The following CPVL variants were observed in gnomAD, a reference collection of about 807,000 sequenced individuals.
CPVL encodes carboxypeptidase vitellogenic like.
In CPVL, 51 loss-of-function variants were observed where a neutral mutation model predicts 63.7. The observed-to-expected ratio is 0.80, with a 90% CI of 0.64 to 1.01. CPVL has a LOEUF of 1.01. Ranked by LOEUF, CPVL falls within the 50% of genes least tolerant of loss-of-function variation. CPVL has a pLI of 0.00. For synonymous variants in CPVL, 195 were observed against 206.0 expected (o/e 0.95, Z 0.46); for missense variants, 530 against 573.1 (o/e 0.92, Z 0.77).
intron 7 of CPVL, among the ~76,000 whole-genome samples, chr7:29,083,160 G>GAGA (rs58041507): frequency 0.11 from 16,091 of 152,232 alleles, 1,061 homozygotes; most frequent in Middle Eastern, 0.15. Flanking sequence ...AGAAGAAAGA[G>GAGA]AGAAGTTGCT....
intron 3 of CPVL, among the ~76,000 whole-genome samples, chr7:29,106,867 A>T (rs1787770222): frequency 6.6e-6 from 1 of 152,212 alleles, no homozygotes; most frequent in Non-Finnish European, 1.5e-5. Context: ...GCTTAAGACA[A>T]CAATAATAAT....
intron 12 of CPVL, among the ~76,000 whole-genome samples, chr7:28,998,118 C>T (rs1784273402): frequency 6.6e-6 from 1 of 152,194 alleles, no homozygotes; most frequent in Non-Finnish European, 1.5e-5. Flanking sequence ...TTTTGCCGCC[C>T]CGCAATCCCA....
chr7:29,120,917 T>C lies in CPVL; in HGVS notation c.145A>G (p.Ile49Val), dbSNP rs555460021. 1.2e-6 allele frequency: 2 copies of C among 1,613,440 alleles called. No homozygotes were observed. The highest frequency in any genetic ancestry group is 1.7e-6 in the Non-Finnish European group (2 of 1,179,802). ...CCTTTTTGGATCTTCCCAGCTTCAA[T>C]GTAAGGGGTGAGAAATAATGGCTGT... The part of the protein sequence containing the change: ...SGQPLFLTPY[I>V]EAGKIQKGRE... The change falls in exon 2 of 13, where the codon ATT becomes GTT. Residue 49 changes from isoleucine to valine, a missense_variant. By Grantham distance (29) the Ile-to-Val change is conservative. Transcript: ENST00000265394.
chr7:29,107,174 T>A (rs938515061), intron 3 of CPVL, among the ~76,000 whole-genome samples: 3 of 152,344 alleles, frequency 2.0e-5, no homozygotes, highest in South Asian at 4.1e-4. Flanking sequence ...TTGCCCTTTA[T>A]AAGGTAGCCG....
chr7:29,132,032 G>A (rs919021090), intron 1 of CPVL, among the ~76,000 whole-genome samples: 4 of 152,188 alleles, frequency 2.6e-5, no homozygotes, highest in African/African-American at 4.8e-5. Context: ...AGAGATAGGC[G>A]AGAGCTTTTA....
intron 1 of CPVL, among the ~76,000 whole-genome samples, chr7:29,136,088 T>A (rs1348917206): frequency 6.6e-6 from 1 of 152,170 alleles, no homozygotes; most frequent in Non-Finnish European, 1.5e-5. Flanking sequence ...AGAATAACAG[T>A]TATATTTAAA....
intron 3 of CPVL, among the ~76,000 whole-genome samples, chr7:29,107,985 C>T (rs977078184): frequency 6.6e-6 from 1 of 152,154 alleles, no homozygotes; most frequent in African/African-American, 2.4e-5. Flanking sequence ...AGCATTAGAG[C>T]GGTTCATTTT....
intron 2 of CPVL, among the ~76,000 whole-genome samples, chr7:29,117,818 T>C (rs953409022): frequency 4.6e-5 from 7 of 152,210 alleles, no homozygotes; most frequent in Non-Finnish European, 1.0e-4. Context: ...TACCCAAATT[T>C]AAATTCCATA....
At chr7:29,066,170 T>A in intron 9 of CPVL, 49 bp from the exon 10 acceptor site, 1 of 925,276 alleles carries the variant, frequency 1.1e-6, no homozygotes, top group Non-Finnish European at 1.7e-6. Flanking sequence ...AACATCAGTG[T>A]GGATAAAAAT....
chr7:29,024,209 A>G (rs778072867), intron 12 of CPVL, among the ~76,000 whole-genome samples: 19 of 152,170 alleles, frequency 1.2e-4, no homozygotes, highest in Non-Finnish European at 2.8e-4. Context: ...AAAAAATATA[A>G]TCAAGAGCTT....
intron 1 of CPVL, among the ~76,000 whole-genome samples, chr7:29,140,059 T>C (rs891361680): frequency 1.3e-5 from 2 of 152,142 alleles, no homozygotes; most frequent in Non-Finnish European, 2.9e-5. Context: ...CTTAGGAGCA[T>C]ATGAGCTTTT....
intron 11 of CPVL, among the ~76,000 whole-genome samples, chr7:29,037,837 G>A (rs189854759): frequency 1.4e-4 from 21 of 152,142 alleles, no homozygotes; most frequent in Middle Eastern, 6.8e-3. Flanking sequence ...CCTCAGCCCC[G>A]CAAGACCTGT....
intron 1 of CPVL, among the ~76,000 whole-genome samples, chr7:29,131,332 T>C (rs1170776554): frequency 1.3e-5 from 2 of 152,182 alleles, no homozygotes; most frequent in Non-Finnish European, 2.9e-5. Context: ...AGGATAATCC[T>C]AGTAAATGTG....
rs560880498 is a variant in CPVL, at chr7:29,061,170, G to A, written c.1137+2891C>T. Among the ~76,000 whole-genome samples, 4 of 152,320 alleles carry A rather than the reference G, an allele frequency of 2.6e-5. No homozygotes were observed. In the South Asian group the frequency reaches 8.3e-4, roughly 32 times the overall value. Reference sequence around the variant, plus strand: ...CACCTGTAATCCCAGCACTTTGGGAGGCCGAGGCGGGTGGATCACCTGAGG... The same window carrying A: ...CACCTGTAATCCCAGCACTTTGGGAAGCCGAGGCGGGTGGATCACCTGAGG... On this transcript the variant is annotated intron_variant, in intron 11 of 12. Coordinates refer to ENST00000265394, the MANE Select transcript of CPVL (RefSeq NM_031311.5).
Position 29,141,232 on chromosome 7 carries a change from C to T in CPVL, c.-11+5197G>A, listed in dbSNP as rs187787944. 3.4e-3 allele frequency among the ~76,000 whole-genome samples: 517 copies of T among 152,264 alleles called. 3 individuals are homozygous for T. Among genetic ancestry groups the T allele is most frequent in the Non-Finnish European group, 5.2e-3 (354 of 68,022 alleles). On this transcript the variant is annotated intron_variant, in intron 1 of 12. Transcript: ENST00000265394. Reference sequence around the variant, plus strand: ...TAGCATATAGGAAGGCAATGCAGTCCGGTGGGAATAGCATGAAAGATTTAA... The same window carrying T: ...TAGCATATAGGAAGGCAATGCAGTCTGGTGGGAATAGCATGAAAGATTTAA...
At chr7:29,080,072 T>G (rs1784556906) in intron 7 of CPVL, among the ~76,000 whole-genome samples, 3 of 149,552 alleles carry the variant, frequency 2.0e-5, no homozygotes, top group East Asian at 2.0e-4. Context: ...CAAAGGAGAG[T>G]CCCCAGGGCC....
At chr7:29,072,157 G>T in intron 8 of CPVL, 144 bp downstream of exon 8, 2 of 971,170 alleles carry the variant, frequency 2.1e-6, no homozygotes, top group Non-Finnish European at 3.0e-6. Flanking sequence ...TGAAACATTT[G>T]GTAAAAATTA....
At chr7:29,019,021 T>C (rs1198240321) in intron 12 of CPVL, among the ~76,000 whole-genome samples, 36 of 151,542 alleles carry the variant, frequency 2.4e-4, no homozygotes, top group Non-Finnish European at 1.5e-5. Context: ...TGGCTAGAGA[T>C]AGGTATATGG....
At chr7:29,088,256 A>G (rs1785408011) in intron 6 of CPVL, among the ~76,000 whole-genome samples, 1 of 152,230 alleles carries the variant, frequency 6.6e-6, no homozygotes, top group Admixed American at 6.5e-5. Context: ...CATGGAATAT[A>G]CTTACATTAA....
Sources: gnomAD v4.1 joint callset for allele counts (sites outside exome capture counted in the v4.1 genomes callset) on GRCh38, gnomAD v4.1.1 for gene constraint, MANE v1.5 for transcripts, NCBI Gene and HGNC (gene_info 2026-07-23, HGNC 2026-07-21) for gene names.